The following NDST4 variants were observed in gnomAD, a reference collection of about 807,000 sequenced individuals.
NDST4 encodes the protein N-deacetylase and N-sulfotransferase 4.
A neutral mutation model predicts 100.8 loss-of-function variants in NDST4; 63 were observed. That is an observed-to-expected ratio of 0.62 (90% confidence interval 0.51 to 0.77). The LOEUF (loss-of-function observed/expected upper bound fraction) is 0.77, where lower values mean the gene tolerates loss of function less well. Among genes scored for constraint, NDST4 ranks in the 30% least tolerant of loss-of-function variants. The probability of loss-of-function intolerance (pLI) is 0.00; values close to 1 mark genes in which losing one functional copy is unlikely to be tolerated. For synonymous variants in NDST4, 377 were observed against 361.8 expected (o/e 1.04, Z -0.48); for missense variants, 943 against 1,018.4 (o/e 0.93, Z 1.01).
At chr4:114,960,945 C>T (rs1408585235) in intron 4 of NDST4, among the ~76,000 whole-genome samples, 1 of 151,874 alleles carries the variant, frequency 6.6e-6, no homozygotes. Context: ...CAATGTATTG[C>T]TGAATTTGTC....
intron 6 of NDST4, among the ~76,000 whole-genome samples, chr4:114,887,852 G>A (rs1724511924): frequency 6.6e-6 from 1 of 152,000 alleles, no homozygotes; most frequent in Non-Finnish European, 1.5e-5. Flanking sequence ...GATAATTTCA[G>A]GTTTTTCTTC....
intron 2 of NDST4, among the ~76,000 whole-genome samples, chr4:115,015,435 T>C (rs1727654495): frequency 6.6e-6 from 1 of 152,038 alleles, no homozygotes. Flanking sequence ...TTCATTTTGT[T>C]TGGAAGGAGA....
chr4:115,106,965 G>C (rs930707773), intron 1 of NDST4, among the ~76,000 whole-genome samples: 1 of 151,936 alleles, frequency 6.6e-6, no homozygotes, highest in African/African-American at 2.4e-5. Flanking sequence ...GGCCAGCGTG[G>C]GCAACATGAC....
intron 4 of NDST4, among the ~76,000 whole-genome samples, chr4:114,968,283 G>C (rs1022551601): frequency 3.3e-5 from 5 of 152,156 alleles, no homozygotes; most frequent in Admixed American, 2.6e-4. Flanking sequence ...AAATCACACA[G>C]TACTAATGAA....
rs896284088 is a variant in NDST4, at chr4:114,971,966, A to G, written c.1067-1382T>C. Among the ~76,000 whole-genome samples, 63 of 152,070 alleles carry G rather than the reference A, an allele frequency of 4.1e-4. 1 individual carries two copies. Among genetic ancestry groups the G allele is most frequent in the African/African-American group, 1.5e-3 (63 of 41,460 alleles). ...TTTACAGGGTCTTAGTGAAGAGTTG[A>G]TGAGATTAATTTATTAAAGCACTTA... is the stretch of plus-strand genomic sequence containing the variant. On this transcript the variant is annotated intron_variant, in intron 3 of 13. Coordinates refer to ENST00000264363, the MANE Select transcript of NDST4 (RefSeq NM_022569.3).
chr4:115,001,182 A>G (rs1727281842), intron 2 of NDST4, among the ~76,000 whole-genome samples: 1 of 151,888 alleles, frequency 6.6e-6, no homozygotes, highest in South Asian at 2.1e-4. Context: ...CTTGCTAATC[A>G]ATCATTTTCC....
At chr4:114,866,444 C>A (rs1001553190) in intron 7 of NDST4, among the ~76,000 whole-genome samples, 9 of 152,170 alleles carry the variant, frequency 5.9e-5, no homozygotes, top group African/African-American at 2.2e-4. Flanking sequence ...CAAAGCTTCC[C>A]GCACTGACTT....
intron 6 of NDST4, among the ~76,000 whole-genome samples, chr4:114,897,879 T>C (rs1724750366): frequency 6.6e-6 from 1 of 152,214 alleles, no homozygotes; most frequent in Non-Finnish European, 1.5e-5. Flanking sequence ...AGGTGTCTGG[T>C]AAGGTCTTCA....
chr4:114,999,230 G>A lies in NDST4; in HGVS notation c.979-21956C>T, dbSNP rs541394757. On this transcript the variant is annotated intron_variant, in intron 2 of 13. Coordinates refer to ENST00000264363, the MANE Select transcript of NDST4 (RefSeq NM_022569.3). ...GGAATTAGCAGGTAATAGAACAGCT[G>A]TTATGAAGCACTGTGGATTTAATCA... Among the ~76,000 whole-genome samples the A allele has an allele frequency of 3.3e-5, 5 of 152,160 alleles. No individual in the cohort carries two copies. The East Asian group carries it at 5.8e-4, about 18-fold the overall frequency.
chr4:114,935,119 T>G (rs1725598880), intron 6 of NDST4, 87 bp downstream of exon 6: 1 of 1,076,616 alleles, frequency 9.3e-7, no homozygotes, highest in African/African-American at 1.6e-5. Context: ...ATAAAGAAAA[T>G]AAATATGATT....
At chr4:114,968,651 A>T (rs1269334928) in intron 4 of NDST4, among the ~76,000 whole-genome samples, 3 of 152,226 alleles carry the variant, frequency 2.0e-5, no homozygotes, top group African/African-American at 7.2e-5. Context: ...AATTTTATTT[A>T]TGAACATTTA....
chr4:114,870,118 C>T (rs1248466544), intron 7 of NDST4, among the ~76,000 whole-genome samples: 2 of 152,094 alleles, frequency 1.3e-5, no homozygotes, highest in African/African-American at 4.8e-5. Context: ...CAACATTTGC[C>T]TAGATAACTG....
intron 2 of NDST4, among the ~76,000 whole-genome samples, chr4:115,073,691 A>G (rs1241183099): frequency 6.6e-6 from 1 of 151,970 alleles, no homozygotes; most frequent in Admixed American, 6.6e-5. Flanking sequence ...GTTAAAGTAC[A>G]CAAAATTTCA....
intron 4 of NDST4, among the ~76,000 whole-genome samples, chr4:114,962,663 G>T (rs1899335): frequency 0.45 from 67,890 of 151,796 alleles, 16,751 homozygotes; most frequent in Non-Finnish European, 0.58. Flanking sequence ...AATTATAGCC[G>T]ACCCAAATAA....
intron 12 of NDST4, among the ~76,000 whole-genome samples, chr4:114,832,360 T>C (rs2126180105): frequency 6.6e-6 from 1 of 152,328 alleles, no homozygotes; most frequent in African/African-American, 2.4e-5. Context: ...TAATTGCTGG[T>C]TCTAATCTGC....
At chr4:115,047,075 A>T (rs1194067148) in intron 2 of NDST4, among the ~76,000 whole-genome samples, 1 of 152,180 alleles carries the variant, frequency 6.6e-6, no homozygotes, top group African/African-American at 2.4e-5. Flanking sequence ...TACAATGAAC[A>T]AAATCCACTG....
intron 6 of NDST4, among the ~76,000 whole-genome samples, chr4:114,874,263 C>A (rs979826295): frequency 6.6e-6 from 1 of 151,902 alleles, no homozygotes; most frequent in African/African-American, 2.4e-5. Context: ...AAAAGATTTT[C>A]GCAGCAGACT....
chr4:114,844,877 A>C (rs1723510711), intron 10 of NDST4, among the ~76,000 whole-genome samples: 1 of 152,190 alleles, frequency 6.6e-6, no homozygotes. Flanking sequence ...CAGAAGGGGA[A>C]TCACATCACT....
At chr4:114,957,436 T>C (rs1726164800) in intron 4 of NDST4, among the ~76,000 whole-genome samples, 1 of 152,194 alleles carries the variant, frequency 6.6e-6, no homozygotes, top group African/African-American at 2.4e-5. Flanking sequence ...AACCCCATGA[T>C]TCAATTATTC....
Sources: gnomAD v4.1 joint callset for allele counts (sites outside exome capture counted in the v4.1 genomes callset) on GRCh38, gnomAD v4.1.1 for gene constraint, MANE v1.5 for transcripts, NCBI Gene and HGNC (gene_info 2026-07-23, HGNC 2026-07-21) for gene names.